Variants in N4BP2L2 observed in about 807,000 individuals in gnomAD.
N4BP2L2 encodes the protein NEDD4-binding protein 2-like 2.
N4BP2L2 carries 50 observed loss-of-function variants against 56.2 expected under a neutral mutation model. The observed-to-expected ratio is 0.89, with a 90% CI of 0.71 to 1.13. The LOEUF is 1.13. N4BP2L2 is among the 50% of genes most tolerant of loss of function. N4BP2L2 has a pLI of 0.00. For missense variants in N4BP2L2, 689 were observed against 693.8 expected (o/e 0.99, Z 0.08); for synonymous variants, 203 against 223.6 (o/e 0.91, Z 0.82).
chr13:32,500,717 CAAA>C (rs200056832), intron 6 of N4BP2L2, among the ~76,000 whole-genome samples: 1 of 132,272 alleles, frequency 7.6e-6, no homozygotes, highest in Non-Finnish European at 1.6e-5. Context: ...AACCGTGTCT[CAAA>C]AAAAAAAAAA....
At chr13:32,519,125 AAGTTG>A (rs2050060786) in intron 5 of N4BP2L2, among the ~76,000 whole-genome samples, 2 of 152,218 alleles carry the variant, frequency 1.3e-5, no homozygotes, top group Non-Finnish European at 2.9e-5. Flanking sequence ...AAATGCGATG[AAGTTG>A]AAAATTGGCA....
chr13:32,450,096 A>T (rs949780211), intron 6 of N4BP2L2, among the ~76,000 whole-genome samples: 1 of 152,196 alleles, frequency 6.6e-6, no homozygotes, highest in Non-Finnish European at 1.5e-5. Context: ...GTGAAAACAC[A>T]TTCTTTTCAT....
intron 6 of N4BP2L2, among the ~76,000 whole-genome samples, chr13:32,499,713 A>G (rs2089587073): frequency 6.6e-6 from 1 of 152,184 alleles, no homozygotes; most frequent in Non-Finnish European, 1.5e-5. Context: ...ATGGAAATTT[A>G]CCCAAGCTTA....
intron 1 of N4BP2L2, among the ~76,000 whole-genome samples, chr13:32,538,360 T>C (rs2140397631): frequency 6.6e-6 from 1 of 152,154 alleles, no homozygotes; most frequent in African/African-American, 2.4e-5. Context: ...ATAAACCGCG[T>C]GATCTATACA....
chr13:32,522,238 C>A, exon 4 of N4BP2L2: 1 of 1,569,288 alleles, frequency 6.4e-7, no homozygotes, highest in Non-Finnish European at 8.6e-7. Context: ...TCTATTATAA[C>A]TGGAGATCTT....
At chr13:32,445,423 T>C (rs144138716) in intron 6 of N4BP2L2, among the ~76,000 whole-genome samples, 1 of 152,338 alleles carries the variant, frequency 6.6e-6, no homozygotes, top group Non-Finnish European at 1.5e-5. Flanking sequence ...GTAAATATCT[T>C]GGACCTCCTA....
At chr13:32,495,299 T>A (rs1403234018) in intron 6 of N4BP2L2, among the ~76,000 whole-genome samples, 1 of 152,290 alleles carries the variant, frequency 6.6e-6, no homozygotes, top group East Asian at 1.9e-4. Context: ...TAGCCCAGCA[T>A]ATTCTCAAGG....
At chr13:32,522,270 G>A in exon 4 of N4BP2L2, 1 of 1,498,986 alleles carries the variant, frequency 6.7e-7, no homozygotes, top group Admixed American at 2.3e-5. Flanking sequence ...AGCTTGTTTT[G>A]CTGAAATAAA....
At chr13:32,438,474 CT>C (rs2138195895) in intron 8 of N4BP2L2, among the ~76,000 whole-genome samples, 1 of 152,268 alleles carries the variant, frequency 6.6e-6, no homozygotes, top group South Asian at 2.1e-4. Context: ...TGGCACATGC[CT>C]GTAATCCCAG....
chr13:32,483,970 G>C (rs901159322), intron 6 of N4BP2L2, among the ~76,000 whole-genome samples: 1 of 145,374 alleles, frequency 6.9e-6, no homozygotes, highest in African/African-American at 2.6e-5. Context: ...GGCAACAAGA[G>C]CGAAACTCCA....
exon 6 of N4BP2L2, chr13:32,515,900 G>C (rs1451655221): frequency 6.6e-6 from 1 of 152,070 alleles, no homozygotes; most frequent in Non-Finnish European, 1.5e-5. Flanking sequence ...ACCACACCCA[G>C]CTGATTTTTG....
intron 2 of N4BP2L2, among the ~76,000 whole-genome samples, chr13:32,530,473 C>T (rs1323046975): frequency 6.6e-6 from 1 of 152,052 alleles, no homozygotes; most frequent in Non-Finnish European, 1.5e-5. Context: ...AAAATGGATT[C>T]TCAGAATGTC....
rs139529417 is a variant in N4BP2L2, at chr13:32,517,161, G to C, written c.*641C>G. The C allele has an allele frequency of 2.4e-3, 2,408 of 985,366 alleles. 5 individuals carry two copies. The highest frequency in any genetic ancestry group is 2.8e-3 in the Non-Finnish European group (2,315 of 829,870). 61.0% of individuals were successfully genotyped at this position (985,366 alleles called of 1,614,324 possible). ...ATGTGGGGTTAGGGAGATGGGTTGA[G>C]AAGGAGGATGATAACTATGTATGCA... On this transcript the variant is annotated 3_prime_UTR_variant, in exon 6 of 6. Transcript: ENST00000267068.
chr13:32,530,179 C>T (rs564095923), intron 2 of N4BP2L2, among the ~76,000 whole-genome samples: 10 of 152,210 alleles, frequency 6.6e-5, no homozygotes, highest in Admixed American at 5.9e-4. Context: ...ATGAACAAAT[C>T]TCTATAAAGA....
At chr13:32,530,639 T>C (rs1490202291) in intron 2 of N4BP2L2, among the ~76,000 whole-genome samples, 1 of 152,170 alleles carries the variant, frequency 6.6e-6, no homozygotes, top group Non-Finnish European at 1.5e-5. Context: ...CCTCATTTAA[T>C]CCTCATAAAA....
At chr13:32,517,379 C>T in exon 6 of N4BP2L2, 2 of 993,060 alleles carry the variant, frequency 2.0e-6, no homozygotes, top group Non-Finnish European at 2.4e-6. Context: ...CTAAGGTACC[C>T]TATACCAAGT....
intron 5 of N4BP2L2, among the ~76,000 whole-genome samples, chr13:32,520,197 A>G (rs982088423): frequency 1.3e-5 from 2 of 152,206 alleles, no homozygotes; most frequent in Admixed American, 6.5e-5. Context: ...ACTGGTTTAA[A>G]AAAAGAGGAG....
At chr13:32,459,369 C>T (rs1311462761) in intron 6 of N4BP2L2, among the ~76,000 whole-genome samples, 1 of 151,462 alleles carries the variant, frequency 6.6e-6, no homozygotes, top group Non-Finnish European at 1.5e-5. Context: ...AGATGATAAA[C>T]AAAATTAAAC....
At chr13:32,501,303 A>T (rs953885809) in intron 6 of N4BP2L2, among the ~76,000 whole-genome samples, 1 of 152,224 alleles carries the variant, frequency 6.6e-6, no homozygotes, top group African/African-American at 2.4e-5. Context: ...GGCTGATATC[A>T]CACTGTCACA....
Sources: gnomAD v4.1 joint callset for allele counts (sites outside exome capture counted in the v4.1 genomes callset) on GRCh38, gnomAD v4.1.1 for gene constraint, MANE v1.5 for transcripts, NCBI Gene and HGNC (gene_info 2026-07-23, HGNC 2026-07-21) for gene names.